ADCY4: variants seen among roughly 807,000 people sequenced by gnomAD.
ADCY4 encodes the protein adenylate cyclase 4, also known as adenylate cyclase type 4.
ADCY4 carries 111 observed loss-of-function variants against 125.5 expected under a neutral mutation model. The ratio of observed to expected loss-of-function variants is 0.88; its 90% CI spans 0.76 to 1.04. The LOEUF (loss-of-function observed/expected upper bound fraction) is 1.04, where lower values mean the gene tolerates loss of function less well. Ranked by LOEUF, ADCY4 falls within the 50% of genes least tolerant of loss-of-function variation. The pLI is 0.00. For missense variants in ADCY4, 1,256 were observed against 1,382.9 expected (o/e 0.91, Z 1.46); for synonymous variants, 576 against 586.9 (o/e 0.98, Z 0.27).
chr14:24,322,174 C>T lies in ADCY4; in HGVS notation c.2478G>A (p.Gln826=), dbSNP rs745320030. 30 of 1,614,022 alleles carry T rather than the reference C, an allele frequency of 1.9e-5. No individual in the cohort carries two copies. The highest frequency in any genetic ancestry group is 2.5e-5 in the Non-Finnish European group (30 of 1,180,016). The change falls in exon 20 of 25, where the codon CAG becomes CAA. Residue 826 remains glutamine, a synonymous_variant. Coordinates refer to ENST00000418030, the MANE Select transcript of ADCY4 (RefSeq NM_001198568.2). ...CCATCGTCTCTGTCTCCTCCCTCTC[C>T]TGCCTCAGCTTCTTCTTCCACAGGA... ...LDFLWKKKLR[Q]EREETETMEN...
In ADCY4 at chr14:24,322,650, A is replaced by G. The variant is rs1395279083; in HGVS notation, c.2401T>C (p.Phe801Leu). Residue 801 changes from phenylalanine (F) to leucine (L), a missense_variant, in exon 19 of 25, where the codon TTC (phenylalanine) becomes CTC (leucine). Phe to Leu is a conservative substitution (Grantham distance 22). Transcript: ENST00000418030. Reference protein sequence around the residue: ...MGAISFFIFFFTLLVLARQNE... With the variant: ...MGAISFFIFFLTLLVLARQNE... Reference sequence around the variant, plus strand: ...TGGCGAGCCAGGACAAGGAGGGTGAAGAAGAAGATGAAGAAGGAGATAGCA... The same window carrying G: ...TGGCGAGCCAGGACAAGGAGGGTGAGGAAGAAGATGAAGAAGGAGATAGCA... The G allele has an allele frequency of 6.2e-7, 1 of 1,614,106 alleles. No individual in the cohort carries two copies. The highest frequency in any genetic ancestry group is 2.2e-5 in the East Asian group (1 of 44,880).
chr14:24,322,266 G>A, intron 19 of ADCY4, 42 bp from the exon 20 acceptor site: 24 of 1,580,450 alleles, frequency 1.5e-5, no homozygotes, highest in Non-Finnish European at 2.1e-5. Context: ...CACAGAGCAG[G>A]GGAAGCCCAG....
intron 1 of ADCY4, 147 bp from the exon 2 acceptor site, chr14:24,333,135 C>A: frequency 1.4e-6 from 1 of 714,154 alleles, no homozygotes; most frequent in Non-Finnish European, 2.1e-6. Flanking sequence ...CCTCCGCTTG[C>A]CATTCACTTT....
rs927136113 is a variant in ADCY4 at position 24,330,194 on chromosome 14, C to T, written c.1032G>A (p.Met344Ile). The change falls in exon 7 of 25, where the codon ATG becomes ATA. Residue 344 changes from methionine to isoleucine, a missense_variant. Met to Ile is a conservative substitution (Grantham distance 10). Transcript: ENST00000418030. Reference protein sequence around the residue: ...LPDHAINCVRMGLDMCRAIRK... With the variant: ...LPDHAINCVRIGLDMCRAIRK... ...TGATGGCCCGGCACATGTCCAGGCC[C>T]ATGCGCACGCAGTTGATGGCATGGT... is the stretch of plus-strand genomic sequence containing the variant. 3 of 1,614,052 alleles carry T rather than the reference C, an allele frequency of 1.9e-6. No individual in the cohort carries two copies. In the African/African-American group the frequency reaches 4.0e-5, roughly 22 times the overall value.
At position 24,332,987 on chromosome 14, in the gene ADCY4, T is replaced by C. The variant is rs771996490; in HGVS notation, c.161A>G (p.Glu54Gly). The C allele has an allele frequency of 6.5e-7, 1 of 1,532,546 alleles. No individual in the cohort carries two copies. Among genetic ancestry groups the C allele is most frequent in the Non-Finnish European group, 8.8e-7 (1 of 1,138,012 alleles). 94.9% of individuals were successfully genotyped at this position (1,532,546 alleles called of 1,614,324 possible). A position where few individuals can be genotyped will look rare whatever the true frequency, so the allele number is the denominator to read the frequency against. ...CAGGAAGCTCGGGTCTGAGGTCAGC[T>C]CCTGTGGGCAGGGGTGTGTGAGGCA... ...LLAVAWASGR[E>G]LTSDPSFLTT... Residue 54 changes from glutamate (E) to glycine (G), a missense_variant and splice_region_variant, in exon 2 of 25, where the codon GAG (glutamate) becomes GGG (glycine). Glu to Gly is a moderately conservative substitution (Grantham distance 98). Coordinates refer to ENST00000418030, the MANE Select transcript of ADCY4 (RefSeq NM_001198568.2).
At position 24,331,007 on chromosome 14, in the gene ADCY4, T is replaced by C. The variant is rs1344026595; in HGVS notation, c.930+11A>G. On this transcript the variant is annotated intron_variant, in intron 6 of 24. Transcript: ENST00000418030. The stretch of plus-strand genomic sequence containing the variant: ...GAGGGTCCCTGGGTGGGGAGGGAAG[T>C]CTTCTCTGACCTTGGCAATCTGGTC... 12 of 1,587,064 alleles carry C rather than the reference T, an allele frequency of 7.6e-6. No homozygotes were observed. The highest frequency in any genetic ancestry group is 1.0e-5 in the Non-Finnish European group (12 of 1,161,810).
intron 19 of ADCY4, 133 bp from the exon 20 acceptor site, chr14:24,322,357 G>GT: frequency 2.8e-6 from 3 of 1,080,316 alleles, no homozygotes; most frequent in Non-Finnish European, 4.0e-6. Context: ...AGCTTAAGGT[G>GT]TAAGTATACT....
chr14:24,322,120 G>T lies in ADCY4; in HGVS notation c.2532C>A (p.Asn844Lys), dbSNP rs199565158. 2 of 1,614,038 alleles carry T rather than the reference G, an allele frequency of 1.2e-6. No individual in the cohort carries two copies. Among genetic ancestry groups the T allele is most frequent in the African/African-American group, 2.7e-5 (2 of 74,910 alleles). Residue 844 changes from asparagine to lysine, a missense_variant, in exon 20 of 25, where the codon AAC (asparagine) becomes AAA (lysine). Coordinates refer to ENST00000418030, the MANE Select transcript of ADCY4 (RefSeq NM_001198568.2). ...GGGGGGCCACGTGTGCAGGGAGCAC[G>T]TTCTCCAAGAGCAGCCGAGTCAGGT... Reference protein sequence around the residue: ...MENLTRLLLENVLPAHVAPQF... With the variant: ...MENLTRLLLEKVLPAHVAPQF...
rs1339564332 is a variant in ADCY4, at chr14:24,321,964, C to A, written c.2586+102G>T. The A allele has an allele frequency of 8.2e-6, 12 of 1,462,394 alleles. No individual in the cohort carries two copies. The Admixed American group carries it at 2.7e-4, about 33-fold the overall frequency. 90.6% of individuals were successfully genotyped at this position (1,462,394 alleles called of 1,614,324 possible). ...TGACAAGCACAAGGGCTTGGGTGAC[C>A]CTTCTGGGGGTTCTAGAGAAAACGG... is the stretch of plus-strand genomic sequence containing the variant. On this transcript the variant is annotated intron_variant, in intron 20 of 24. Transcript: ENST00000418030.
Position 24,324,311 on chromosome 14 carries a change from A to T in ADCY4, c.1904T>A (p.Leu635Gln). 6.2e-7 allele frequency: 1 copy of T among 1,614,178 alleles called. No homozygotes were observed. Among genetic ancestry groups the T allele is most frequent in the African/African-American group, 1.3e-5 (1 of 75,064 alleles). ...LILFVCFSED[L>Q]MRCVLKGPKM... ...CCACCCCTCAGCCCACCTCACCATCAGGTCCTCTGAGAAGCAGACAAAAAG... is the reference window on the plus strand; with the variant it reads ...CCACCCCTCAGCCCACCTCACCATCTGGTCCTCTGAGAAGCAGACAAAAAG... The change falls in exon 15 of 25, where the codon CTG (leucine) becomes CAG (glutamine). Residue 635 changes from leucine to glutamine, a missense_variant. Coordinates refer to ENST00000418030, the MANE Select transcript of ADCY4 (RefSeq NM_001198568.2).
chr14:24,319,530 C>A lies in ADCY4; in HGVS notation c.2734-94G>T. 1 of 1,388,730 alleles carries A rather than the reference C, an allele frequency of 7.2e-7. No homozygotes were observed. The highest frequency in any genetic ancestry group is 1.2e-5 in the South Asian group (1 of 82,912). 86.0% of individuals were successfully genotyped at this position (1,388,730 alleles called of 1,614,324 possible). On this transcript the variant is annotated intron_variant, in intron 21 of 24. Transcript: ENST00000418030. This position sits in a 1 kb window ranked among gnomAD's most constrained non-coding sequence, Gnocchi z 4.5. ...CCCCAAGCCTTTGGAGTTAAAGGAT[C>A]AGGCTGTGGGAGTGGAGATAGTGTC... is the stretch of plus-strand genomic sequence containing the variant.
chr14:24,331,051 A>T lies in ADCY4; in HGVS notation c.897T>A (p.Asn299Lys), dbSNP rs1001178411. ...TCTGGTCGAACTTGCCAAAGAGCTC[A>T]TTGAGCATGAGCACCAGCTCCTTAG... is the stretch of plus-strand genomic sequence containing the variant. ...CSPKELVLML[N>K]ELFGKFDQIA... The change falls in exon 6 of 25, where the codon AAT becomes AAA. Residue 299 changes from asparagine to lysine, a missense_variant. Transcript: ENST00000418030. 5.0e-6 allele frequency: 8 copies of T among 1,612,508 alleles called. No individual in the cohort carries two copies. In the Admixed American group the frequency reaches 8.3e-5, roughly 17 times the overall value.
chr14:24,322,107 G>A lies in ADCY4; in HGVS notation c.2545C>T (p.His849Tyr). The change falls in exon 20 of 25, where the codon CAC becomes TAC. Residue 849 changes from histidine (H) to tyrosine (Y), a missense_variant. Coordinates refer to ENST00000418030, the MANE Select transcript of ADCY4 (RefSeq NM_001198568.2). ...TGGCCAATGAACTGGGGGGCCACGT[G>A]TGCAGGGAGCACGTTCTCCAAGAGC... ...RLLLENVLPA[H>Y]VAPQFIGQNR... is the part of the protein sequence containing the mutation. 6.2e-7 allele frequency: 1 copy of A among 1,614,108 alleles called. No individual in the cohort carries two copies. Among genetic ancestry groups the A allele is most frequent in the Non-Finnish European group, 8.5e-7 (1 of 1,179,952 alleles).
intron 8 of ADCY4, 134 bp from the exon 9 acceptor site, chr14:24,329,667 T>C (rs2042009458): frequency 1.4e-6 from 2 of 1,420,210 alleles, no homozygotes; most frequent in Non-Finnish European, 1.9e-6. Flanking sequence ...ATGTCTGACT[T>C]CAAGAAAGAG....
chr14:24,323,559 C>G (rs924438222), intron 16 of ADCY4, 105 bp from the exon 17 acceptor site: 1 of 1,500,274 alleles, frequency 6.7e-7, no homozygotes, highest in Non-Finnish European at 8.9e-7. Flanking sequence ...GAAGACTCGT[C>G]CAAAGGGGTG....
At chr14:24,328,256 G>C (rs996285236) in intron 10 of ADCY4, among the ~76,000 whole-genome samples, 1 of 145,560 alleles carries the variant, frequency 6.9e-6, no homozygotes, top group Non-Finnish European at 1.5e-5. Context: ...CCCTTTCCCT[G>C]GGGGAGTTTA....
rs1457124554 is a variant in ADCY4 at position 24,323,011 on chromosome 14, C to T, written c.2235G>A (p.Leu745=). The change falls in exon 18 of 25, where the codon CTG becomes CTA. Residue 745 remains leucine, a synonymous_variant. Transcript: ENST00000418030. ...ATGCCGCCAGCCACAGCAGGAGCAG[C>T]AGCAGCTTCAGCTCGAAGCTCATGT... The part of the protein sequence containing the change: ...FLHMSFELKL[L]LLLLWLAASC... 6.2e-7 allele frequency: 1 copy of T among 1,614,146 alleles called. No individual in the cohort carries two copies.
chr14:24,329,324 G>A, intron 9 of ADCY4, 77 bp downstream of exon 9: 1 of 1,572,148 alleles, frequency 6.4e-7, no homozygotes, highest in South Asian at 1.2e-5. Context: ...TCAATCTCTG[G>A]CACAGAAGAG....
intron 14 of ADCY4, 140 bp downstream of exon 14, chr14:24,325,237 C>A: frequency 3.1e-6 from 2 of 635,350 alleles, no homozygotes; most frequent in Admixed American, 5.5e-5. Flanking sequence ...TATCATTTTC[C>A]CCAGAACACA....
Sources: allele counts gnomAD v4.1 joint callset (sites outside exome capture counted in the v4.1 genomes callset), GRCh38; gene constraint gnomAD v4.1.1; non-coding constraint Gnocchi (gnomAD v3.1); transcripts MANE v1.5; gene names NCBI Gene and HGNC (gene_info 2026-07-23, HGNC 2026-07-21).